Variants in HERC2 observed in about 807,000 individuals in gnomAD.
HERC2 encodes the protein E3 ubiquitin-protein ligase HERC2.
Under a neutral mutation model 537.7 loss-of-function variants are expected in HERC2, and 102 were observed. The ratio of observed to expected loss-of-function variants is 0.19; its 90% CI spans 0.16 to 0.22. HERC2 has a LOEUF of 0.22. Ranked by LOEUF, HERC2 falls within the 10% of genes least tolerant of loss-of-function variation. The pLI is 1.00. For synonymous variants in HERC2, 2,224 were observed against 2,466.2 expected (o/e 0.90, Z 2.91); for missense variants, 4,236 against 6,198.2 (o/e 0.68, Z 10.63).
At chr15:28,259,629 C>T (rs2075362923) in intron 16 of HERC2, among the ~76,000 whole-genome samples, 1 of 151,900 alleles carries the variant, frequency 6.6e-6, no homozygotes, top group Non-Finnish European at 1.5e-5. Flanking sequence ...AAATCCTCAA[C>T]AACCTGTTAG....
intron 66 of HERC2, 78 bp downstream of exon 66, chr15:28,169,406 T>A (rs1894471813): frequency 9.6e-7 from 1 of 1,045,130 alleles, no homozygotes; most frequent in Admixed American, 2.4e-5. Context: ...AGACATCTGA[T>A]CAACGAAAAG....
At chr15:28,114,875 C>T (rs1888041368) in intron 89 of HERC2, 73 bp from the exon 90 acceptor site, 3 of 1,289,860 alleles carry the variant, frequency 2.3e-6, no homozygotes, top group Non-Finnish European at 3.3e-6. Context: ...GTCCACCCAG[C>T]ACACTCTGTC....
chr15:28,270,242 T>G (rs2075682280), intron 10 of HERC2, among the ~76,000 whole-genome samples: 1 of 150,202 alleles, frequency 6.7e-6, no homozygotes, highest in Non-Finnish European at 1.5e-5. Context: ...TTTTTATTTA[T>G]TTATAGATAG....
At chr15:28,313,209 T>TTA (rs1555460092) in intron 2 of HERC2, among the ~76,000 whole-genome samples, 3 of 143,248 alleles carry the variant, frequency 2.1e-5, no homozygotes, top group African/African-American at 8.0e-5. Context: ...TTTTTTTTTT[T>TTA]TTGAGACAGA....
At chr15:28,282,400 G>A (rs955542421) in intron 4 of HERC2, among the ~76,000 whole-genome samples, 1 of 151,908 alleles carries the variant, frequency 6.6e-6, no homozygotes, top group African/African-American at 2.4e-5. Context: ...AAACGGTCAC[G>A]ATAAAAAGGC....
intron 86 of HERC2, among the ~76,000 whole-genome samples, chr15:28,119,399 CAAAAAAAAAAAAAAA>C (rs201078187): frequency 7.5e-6 from 1 of 133,960 alleles, no homozygotes; most frequent in South Asian, 2.4e-4. Context: ...GACTCCCTCT[CAAAAAAAAAAAAAAA>C]AAAAAAAAAA....
chr15:28,152,818 G>A lies in HERC2; in HGVS notation c.10759C>T (p.Leu3587=). ...AACTCGGTGACACAGAGCTCCAACAGCATATCTGCCACCTGGAGAGGAAGC... is the reference window on the plus strand; with the variant it reads ...AACTCGGTGACACAGAGCTCCAACAACATATCTGCCACCTGGAGAGGAAGC... ...GTAYPQVADM[L]LELCVTELED... The change falls in exon 70 of 93, where the codon CTG becomes TTG. Residue 3587 remains leucine (L), a synonymous_variant. Transcript: ENST00000261609. 2 of 1,561,922 alleles carry A rather than the reference G, an allele frequency of 1.3e-6. No homozygotes were observed. The highest frequency in any genetic ancestry group is 1.7e-6 in the Non-Finnish European group (2 of 1,152,346).
At chr15:28,199,974 C>T (rs536207541) in intron 48 of HERC2, among the ~76,000 whole-genome samples, 1 of 152,226 alleles carries the variant, frequency 6.6e-6, no homozygotes, top group African/African-American at 2.4e-5. Context: ...GTGTCCCCCC[C>T]ACCAAAATTC....
intron 16 of HERC2, among the ~76,000 whole-genome samples, chr15:28,259,969 CAAAAAAAA>C (rs35995546): frequency 7.4e-5 from 5 of 67,570 alleles, no homozygotes; most frequent in Middle Eastern, 0.016. Flanking sequence ...CTCCATCTGG[CAAAAAAAA>C]AAAAAAAAAA....
rs1276317650 is a variant in HERC2 at position 28,152,672 on chromosome 15, T to C, written c.10900+5A>G. On this transcript the variant is annotated splice_donor_5th_base_variant and intron_variant, in intron 70 of 92. Transcript: ENST00000261609. ...GCAGCTCCCCGCTGGGGCCAGCCCC[T>C]GTACCTGGTATCTTCACTGTGCCAC... 4.5e-6 allele frequency: 7 copies of C among 1,545,448 alleles called. No individual in the cohort carries two copies. Among genetic ancestry groups the C allele is most frequent in the Non-Finnish European group, 6.1e-6 (7 of 1,143,400 alleles).
chr15:28,298,022 T>G (rs1397840760), intron 3 of HERC2, among the ~76,000 whole-genome samples: 5 of 144,318 alleles, frequency 3.5e-5, no homozygotes, highest in Non-Finnish European at 7.4e-5. Flanking sequence ...TGTGTGTGTG[T>G]GTGTGTGTGT....
At chr15:28,254,825 C>T (rs1053564109) in intron 19 of HERC2, among the ~76,000 whole-genome samples, 3 of 152,172 alleles carry the variant, frequency 2.0e-5, no homozygotes, top group African/African-American at 7.2e-5. Flanking sequence ...TGTGATGTGC[C>T]CCACACATGC....
Position 28,116,680 on chromosome 15 carries a change from T to C in HERC2, c.13594A>G (p.Met4532Val), listed in dbSNP as rs1888294064. The change falls in exon 88 of 93, where the codon ATG (methionine) becomes GTG (valine). Residue 4532 changes from methionine to valine, a missense_variant. This residue lies in a region of HERC2 where 313 missense variants were observed against 462.6 expected (regional missense o/e 0.68). Transcript: ENST00000261609. ...PAARAPVHSSMFRFLGVLLGI... is the reference protein window; with the variant it reads ...PAARAPVHSSVFRFLGVLLGI... ...AGAAGCTCACCCAGGAAGCGGAACA[T>C]GCTGCTGTGCACGGGTGCTCTGGCG... 2 of 1,610,768 alleles carry C rather than the reference T, an allele frequency of 1.2e-6. No homozygotes were observed. The highest frequency in any genetic ancestry group is 1.7e-6 in the Non-Finnish European group (2 of 1,178,252).
chr15:28,203,633 G>C (rs576972977), intron 45 of HERC2: 1 of 151,990 alleles, frequency 6.6e-6, no homozygotes. Context: ...AAGCCTGCAT[G>C]CAAGACGCGC....
chr15:28,198,725 G>C lies in HERC2; in HGVS notation c.7761C>G (p.Cys2587Trp), dbSNP rs752231296. ...VRCCRAYEEV[C>W]EGDVGKVIKL... Reference sequence around the variant, plus strand: ...TGATGACTTTGCCAACATCACCTTCGCACACTTCTTCATACGCTCGGCAGC... The same window carrying C: ...TGATGACTTTGCCAACATCACCTTCCCACACTTCTTCATACGCTCGGCAGC... Residue 2587 changes from cysteine to tryptophan, a missense_variant, in exon 49 of 93, where the codon TGC becomes TGG. Physicochemically the swap from Cys to Trp is radical, Grantham distance 215. This residue lies in a region of HERC2 where 606 missense variants were observed against 884.5 expected (regional missense o/e 0.69). Transcript: ENST00000261609. 4 of 1,613,918 alleles carry C rather than the reference G, an allele frequency of 2.5e-6. No homozygotes were observed. The highest frequency in any genetic ancestry group is 2.7e-5 in the African/African-American group (2 of 74,966).
rs898463306 is a variant in HERC2, at chr15:28,124,178, A to G, written c.13047T>C (p.Arg4349=). Residue 4349 remains arginine, a synonymous_variant, in exon 85 of 93, where the codon CGT becomes CGC. Transcript: ENST00000261609. ...CGGAGAGGTGGTGCAGCAGCAGCAG[A>G]CGGTTCCTCAGCGCAATGATGGGGA... is the stretch of plus-strand genomic sequence containing the variant. ...QEIPIIALRN[R]LLLLHHLSEL... The G allele has an allele frequency of 6.4e-7, 1 of 1,570,242 alleles. No individual in the cohort carries two copies. Among genetic ancestry groups the G allele is most frequent in the South Asian group, 1.2e-5 (1 of 85,146 alleles).
At chr15:28,140,067 C>CAAA (rs879713576) in intron 78 of HERC2, among the ~76,000 whole-genome samples, 76 of 114,842 alleles carry the variant, frequency 6.6e-4, no homozygotes, top group African/African-American at 2.4e-3. Context: ...GACTCTGTCT[C>CAAA]AAAAAAAAAA....
At chr15:28,271,036 AACTG>A (rs959444880) in intron 9 of HERC2, among the ~76,000 whole-genome samples, 168 bp from the exon 10 acceptor site, 16 of 152,246 alleles carry the variant, frequency 1.1e-4, no homozygotes, top group East Asian at 5.8e-4. Flanking sequence ...GCAGCATATA[AACTG>A]ACTGTGTAAA....
chr15:28,215,901 A>C, intron 38 of HERC2, 99 bp from the exon 39 acceptor site: 3 of 885,662 alleles, frequency 3.4e-6, no homozygotes, highest in East Asian at 2.8e-5. Flanking sequence ...TATTTTTCTA[A>C]AATAAGCTCC....
Sources: allele counts gnomAD v4.1 joint callset (sites outside exome capture counted in the v4.1 genomes callset), GRCh38; gene constraint gnomAD v4.1.1; regional missense constraint gnomAD v4.1.1; transcripts MANE v1.5; gene names NCBI Gene and HGNC (gene_info 2026-07-23, HGNC 2026-07-21).